The following SLC35D1 variants were observed in gnomAD, a reference collection of about 807,000 sequenced individuals.
SLC35D1 encodes solute carrier family 35 member D1.
A neutral mutation model predicts 46.7 loss-of-function variants in SLC35D1; 31 were observed. That is an observed-to-expected ratio of 0.66 (90% CI 0.50 to 0.90). The LOEUF (loss-of-function observed/expected upper bound fraction) is 0.90, where lower values mean the gene tolerates loss of function less well. Ranked by LOEUF, SLC35D1 falls within the 40% of genes least tolerant of loss-of-function variation. The pLI is 0.00. For synonymous variants in SLC35D1, 195 were observed against 164.6 expected, an observed-to-expected ratio of 1.18 and a Z score of -1.41; for missense variants, 397 against 426.2, an observed-to-expected ratio of 0.93 and a Z score of 0.60.
the SLC35D1 span, among the ~76,000 whole-genome samples, chr1:66,976,441 A>G: frequency 1.3e-5 from 2 of 152,262 alleles, no homozygotes; most frequent in African/African-American, 4.8e-5. Flanking sequence ...TAGAAAGAAT[A>G]GCTTTCAACA....
chr1:66,984,872 T>C, the SLC35D1 span: 3 of 1,595,186 alleles, frequency 1.9e-6, no homozygotes, highest in East Asian at 6.7e-5. Context: ...CATGGGAAAT[T>C]TGAAGAACTT....
chr1:66,973,093 T>A, the SLC35D1 span: 1 of 630,182 alleles, frequency 1.6e-6, no homozygotes, highest in East Asian at 2.9e-5. Flanking sequence ...AAAGGTTTCA[T>A]AATTAATATG....
At chr1:67,053,769 G>GCTC (rs1022221657) in intron 1 of SLC35D1, 42 bp downstream of exon 1, 1 of 1,452,822 alleles carries the variant, frequency 6.9e-7, no homozygotes, top group African/African-American at 1.5e-5. Flanking sequence ...GCCGCCGCCC[G>GCTC]CTCCTCCTCC....
intron 4 of SLC35D1, 88 bp from the exon 5 acceptor site, chr1:67,050,592 T>C: frequency 2.0e-6 from 2 of 1,003,436 alleles, no homozygotes; most frequent in Non-Finnish European, 3.1e-6. Flanking sequence ...AAAATAATGC[T>C]ATTCTTCCAT....
chr1:67,040,833 TTC>T (rs781097046), intron 8 of SLC35D1, among the ~76,000 whole-genome samples: 1 of 152,236 alleles, frequency 6.6e-6, no homozygotes, highest in Non-Finnish European at 1.5e-5. Flanking sequence ...AGCAAATTAA[TTC>T]TTCCAACTTT....
At chr1:66,986,472 A>C in the SLC35D1 span, 3 of 1,607,326 alleles carry the variant, frequency 1.9e-6, no homozygotes, top group Admixed American at 5.0e-5. Flanking sequence ...TTTTTAAAAT[A>C]AAGCTTCTGT....
chr1:66,985,814 ATTT>A, the SLC35D1 span: 115,501 of 619,122 alleles, frequency 0.19, 6,193 homozygotes, highest in African/African-American at 0.43. Flanking sequence ...GGATTATAAA[ATTT>A]TTTTTTTTTT....
chr1:67,035,682 C>A lies in SLC35D1; in HGVS notation c.729+6554G>T, dbSNP rs141247749. Among the ~76,000 whole-genome samples, 488 of 151,804 alleles carry A rather than the reference C, an allele frequency of 3.2e-3. 2 individuals carry two copies. Among genetic ancestry groups the A allele is most frequent in the Non-Finnish European group, 5.0e-3 (342 of 67,888 alleles). On this transcript the variant is annotated intron_variant, in intron 8 of 11. Coordinates refer to ENST00000235345, the MANE Select transcript of SLC35D1 (RefSeq NM_015139.3). ...TGTATTGTTTTCTTCATTTCAAATT[C>A]ATTTATTTCTGCCCTGATTTTTATT...
At chr1:66,985,061 G>A in the SLC35D1 span, 1 of 1,352,898 alleles carries the variant, frequency 7.4e-7, no homozygotes, top group African/African-American at 1.5e-5. Flanking sequence ...GCCTTTTGCA[G>A]ATTTTTTTAC....
In SLC35D1 at chr1:67,000,906, T is replaced by G. The variant is rs958381775; in HGVS notation, c.*3434A>C. On this transcript the variant is annotated 3_prime_UTR_variant, in exon 12 of 12. Coordinates refer to ENST00000235345, the MANE Select transcript of SLC35D1 (RefSeq NM_015139.3). ...AGTCCTCTCGGATTAAAAAAATGCT[T>G]TAGCTCTGTGGGGCGTCCCTAAAAT... The G allele has an allele frequency of 2.6e-5, 4 of 152,236 alleles. No homozygotes were observed. Among genetic ancestry groups the G allele is most frequent in the African/African-American group, 9.7e-5 (4 of 41,418 alleles). 9.4% of individuals were successfully genotyped at this position (152,236 alleles called of 1,614,324 possible).
At chr1:67,048,044 ATACT>A (rs1295550238) in intron 6 of SLC35D1, among the ~76,000 whole-genome samples, 1 of 152,244 alleles carries the variant, frequency 6.6e-6, no homozygotes, top group Non-Finnish European at 1.5e-5. Flanking sequence ...TGCCTTCAGC[ATACT>A]TCAGCACCCT....
chr1:66,994,173 G>A, the SLC35D1 span, among the ~76,000 whole-genome samples: 9 of 152,298 alleles, frequency 5.9e-5, no homozygotes, highest in East Asian at 3.9e-4. Context: ...TGAGCCCTTC[G>A]GGAAAGGTTC....
At chr1:67,027,077 T>C (rs778757834) in intron 8 of SLC35D1, among the ~76,000 whole-genome samples, 5 of 152,190 alleles carry the variant, frequency 3.3e-5, no homozygotes, top group Admixed American at 6.5e-5. Context: ...CAGAGTAGAG[T>C]TATTCATACA....
At chr1:66,992,063 T>A in the SLC35D1 span, among the ~76,000 whole-genome samples, 2 of 152,234 alleles carry the variant, frequency 1.3e-5, no homozygotes, top group African/African-American at 4.8e-5. Flanking sequence ...CAATCCCTTA[T>A]CCAAAACCCT....
the SLC35D1 span, among the ~76,000 whole-genome samples, chr1:66,980,996 T>C: frequency 6.6e-6 from 1 of 152,182 alleles, no homozygotes; most frequent in Admixed American, 6.5e-5. Flanking sequence ...CCACAGGCTA[T>C]AGTTGGCTGA....
chr1:66,981,026 G>A, the SLC35D1 span, among the ~76,000 whole-genome samples: 16 of 152,240 alleles, frequency 1.1e-4, no homozygotes, highest in African/African-American at 3.6e-4. Context: ...TAGTGGTTTA[G>A]TAGCACTTTT....
chr1:67,053,746 GCGC>G, intron 1 of SLC35D1, 62 bp downstream of exon 1: 8 of 1,373,552 alleles, frequency 5.8e-6, no homozygotes, highest in Non-Finnish European at 6.6e-6. Context: ...CAGGGAGCCG[GCGC>G]CGCGCCGCCG....
chr1:66,986,530 T>C, the SLC35D1 span: 7 of 1,304,834 alleles, frequency 5.4e-6, no homozygotes, highest in African/African-American at 1.5e-5. Flanking sequence ...GAGTGAAGGT[T>C]TGCACTGAGA....
chr1:67,036,721 T>C (rs1668131540), intron 8 of SLC35D1, among the ~76,000 whole-genome samples: 2 of 151,806 alleles, frequency 1.3e-5, no homozygotes, highest in South Asian at 2.1e-4. Context: ...TTTTTTTTTT[T>C]TTCTTTTTTT....
Sources: allele counts gnomAD v4.1 joint callset (sites outside exome capture counted in the v4.1 genomes callset), GRCh38; gene constraint gnomAD v4.1.1; transcripts MANE v1.5; gene names NCBI Gene and HGNC (gene_info 2026-07-23, HGNC 2026-07-21).